Variants in POLN observed in about 807,000 individuals in gnomAD.
The protein encoded by POLN is DNA polymerase N.
In POLN, 108 loss-of-function variants were observed where a neutral mutation model predicts 113.5. The ratio of observed to expected loss-of-function variants is 0.95; its 90% CI spans 0.81 to 1.12. POLN has a LOEUF of 1.12. POLN is among the 50% of genes most tolerant of loss of function. The pLI, the probability that POLN is intolerant of heterozygous loss-of-function variation, is 0.00. For synonymous variants in POLN, 386 were observed against 391.5 expected, an observed-to-expected ratio of 0.99 and a Z score of 0.17; for missense variants, 1,097 against 1,077.1, an observed-to-expected ratio of 1.02 and a Z score of -0.26.
intron 21 of POLN, chr4:2,083,130 G>A (rs962225952): frequency 6.6e-6 from 1 of 152,160 alleles, no homozygotes; most frequent in Non-Finnish European, 1.5e-5. Context: ...GTCCCGTAGC[G>A]TTTCACTCAA....
At chr4:2,089,131 A>C (rs1471434240) in intron 20 of POLN, 1 of 1,194,008 alleles carries the variant, frequency 8.4e-7, no homozygotes, top group African/African-American at 1.5e-5. Context: ...TTTTATAAGG[A>C]CCCTAAGATC....
intron 21 of POLN, 60 bp downstream of exon 21, chr4:2,085,553 C>T: frequency 1.2e-6 from 2 of 1,600,516 alleles, no homozygotes; most frequent in Non-Finnish European, 1.7e-6. Context: ...CGCAGCTGTC[C>T]CCCCATCCTC....
intron 13 of POLN, among the ~76,000 whole-genome samples, chr4:2,163,287 T>C (rs1732647138): frequency 6.6e-6 from 1 of 152,240 alleles, no homozygotes; most frequent in Non-Finnish European, 1.5e-5. Flanking sequence ...TGAAAGTGCA[T>C]GGAAATACTT....
At chr4:2,095,092 A>T (rs1730752593) in intron 20 of POLN, among the ~76,000 whole-genome samples, 1 of 151,984 alleles carries the variant, frequency 6.6e-6, no homozygotes, top group Non-Finnish European at 1.5e-5. Flanking sequence ...GAATTAAAAA[A>T]TCCCAGACAG....
At chr4:2,073,145 T>C in intron 24 of POLN, 116 bp from the exon 25 acceptor site, 1 of 972,076 alleles carries the variant, frequency 1.0e-6, no homozygotes, top group Admixed American at 2.0e-5. Flanking sequence ...CCCCCTTGTT[T>C]CCTGTGTCCA....
At chr4:2,118,321 G>T (rs1731364468) in intron 19 of POLN, among the ~76,000 whole-genome samples, 1 of 152,266 alleles carries the variant, frequency 6.6e-6, no homozygotes, top group African/African-American at 2.4e-5. Flanking sequence ...GGCCTTTTCA[G>T]ATTTTTCTTT....
chr4:2,230,944 G>A (rs1296293810), intron 2 of POLN: 1 of 152,122 alleles, frequency 6.6e-6, no homozygotes, highest in African/African-American at 2.4e-5. Context: ...GATTAAAATA[G>A]TATCATACAT....
chr4:2,167,408 T>G (rs369007767), intron 13 of POLN, among the ~76,000 whole-genome samples: 1 of 152,150 alleles, frequency 6.6e-6, no homozygotes, highest in East Asian at 1.9e-4. Context: ...ATCATGTGCC[T>G]GCTGAGGGGA....
At chr4:2,142,415 G>T (rs927225488) in intron 16 of POLN, among the ~76,000 whole-genome samples, 1 of 152,196 alleles carries the variant, frequency 6.6e-6, no homozygotes, top group Admixed American at 6.5e-5. Flanking sequence ...TATTTTGTTC[G>T]ATTAAAGCTG....
chr4:2,188,607 AAC>A (rs1408425981), intron 7 of POLN, among the ~76,000 whole-genome samples: 1 of 135,496 alleles, frequency 7.4e-6, no homozygotes, highest in African/African-American at 3.4e-5. Flanking sequence ...TCTCAAAAAA[AAC>A]AAAAAACAAA....
intron 16 of POLN, among the ~76,000 whole-genome samples, chr4:2,147,499 G>C (rs184990469): frequency 1.2e-3 from 175 of 152,142 alleles, no homozygotes; most frequent in African/African-American, 4.1e-3. Context: ...CCATGCCCAG[G>C]GTGAAGAGGG....
chr4:2,156,510 A>G (rs1201533872), intron 16 of POLN: 1 of 575,108 alleles, frequency 1.7e-6, no homozygotes, highest in South Asian at 1.5e-5. Flanking sequence ...TCTGAAAAGG[A>G]AGATGGGGTA....
intron 16 of POLN, chr4:2,156,458 C>T (rs973721390): frequency 2.0e-6 from 1 of 490,596 alleles, no homozygotes; most frequent in Middle Eastern, 3.1e-4. Context: ...TCAGATACTT[C>T]AACACATTTC....
At chr4:2,115,228 ATTTT>A (rs55938347) in intron 19 of POLN, among the ~76,000 whole-genome samples, 1 of 129,988 alleles carries the variant, frequency 7.7e-6, no homozygotes, top group South Asian at 2.5e-4. Flanking sequence ...ATATATATAT[ATTTT>A]TTTTTTTGTA....
chr4:2,114,763 C>T (rs542587251), intron 19 of POLN, among the ~76,000 whole-genome samples: 19 of 152,050 alleles, frequency 1.2e-4, no homozygotes, highest in African/African-American at 4.1e-4. Flanking sequence ...TTTTTGGATA[C>T]GTAGATTGAC....
At chr4:2,217,083 T>C (rs2108768070) in intron 3 of POLN, among the ~76,000 whole-genome samples, 1 of 152,276 alleles carries the variant, frequency 6.6e-6, no homozygotes, top group South Asian at 2.1e-4. Context: ...TTCCCACAGA[T>C]CCCTCCACAT....
At chr4:2,229,364 A>G in intron 2 of POLN, 121 bp from the exon 3 acceptor site, 3 of 842,478 alleles carry the variant, frequency 3.6e-6, no homozygotes, top group East Asian at 3.1e-5. Context: ...TATATTCATA[A>G]CCACAGAAAA....
intron 13 of POLN, among the ~76,000 whole-genome samples, chr4:2,165,495 G>A (rs930109838): frequency 1.3e-5 from 2 of 152,200 alleles, no homozygotes; most frequent in Non-Finnish European, 2.9e-5. Flanking sequence ...TGTAATGGTA[G>A]ATGTATGTCA....
rs2108763887 is a variant in POLN at position 2,208,004 on chromosome 4, G to C, written c.697C>G (p.Gln233Glu). The C allele has an allele frequency of 2.5e-6, 4 of 1,608,470 alleles. No individual in the cohort carries two copies. The East Asian group carries it at 8.9e-5, about 36-fold the overall frequency. ...ITVMYTDGST[Q>E]LGADQTPVSS... ...TTACTAACCTGGTCAGCTCCTAGCT[G>C]GGTGGAACCATCAGTATACATCACA... The change falls in exon 5 of 26, where the codon CAG (glutamine) becomes GAG (glutamate). Residue 233 changes from glutamine (Q) to glutamate (E), a missense_variant. Physicochemically the swap from Gln to Glu is conservative, Grantham distance 29. Coordinates refer to ENST00000511885, the MANE Select transcript of POLN (RefSeq NM_181808.4).
Sources: gnomAD v4.1 joint callset for allele counts (sites outside exome capture counted in the v4.1 genomes callset) on GRCh38, gnomAD v4.1.1 for gene constraint, MANE v1.5 for transcripts, NCBI Gene and HGNC (gene_info 2026-07-23, HGNC 2026-07-21) for gene names.